The following ZNF215 variants were observed in gnomAD, a reference collection of about 807,000 sequenced individuals.
ZNF215 encodes BWSCR2-associated zinc finger protein 2.
In ZNF215, 24 loss-of-function variants were observed where a neutral mutation model predicts 27.2. The observed-to-expected ratio is 0.88, with a 90% CI of 0.64 to 1.24. The LOEUF (loss-of-function observed/expected upper bound fraction) is 1.24, where lower values mean the gene tolerates loss of function less well. ZNF215 is among the 50% of genes most tolerant of loss of function. The probability of loss-of-function intolerance (pLI) is 0.00; values close to 1 mark genes in which losing one functional copy is unlikely to be tolerated. For synonymous variants in ZNF215, 210 were observed against 204.0 expected (o/e 1.03, Z -0.25); for missense variants, 675 against 605.7 (o/e 1.11, Z -1.20).
chr11:6,952,446 A>G (rs1590066537), intron 6 of ZNF215, among the ~76,000 whole-genome samples: 1 of 152,254 alleles, frequency 6.6e-6, no homozygotes, highest in East Asian at 1.9e-4. Context: ...TATTTAGGAT[A>G]GTTAGCTCTT....
At chr11:6,933,899 A>C (rs1268030196) in intron 3 of ZNF215, among the ~76,000 whole-genome samples, 1 of 152,216 alleles carries the variant, frequency 6.6e-6, no homozygotes, top group Non-Finnish European at 1.5e-5. Flanking sequence ...GTAAAATCCA[A>C]ACTGGGAAAC....
chr11:6,963,218 G>A (rs1012842960), intron 5 of ZNF215, among the ~76,000 whole-genome samples: 4 of 151,920 alleles, frequency 2.6e-5, no homozygotes, highest in African/African-American at 9.7e-5. Flanking sequence ...TTATAGTCAA[G>A]CTGTTCCCCC....
chr11:6,938,325 A>G (rs2133193660), intron 3 of ZNF215, among the ~76,000 whole-genome samples: 1 of 152,182 alleles, frequency 6.6e-6, no homozygotes, highest in Non-Finnish European at 1.5e-5. Flanking sequence ...ACAAAAGGAA[A>G]ACGAATAGGG....
chr11:6,984,359 T>C lies in ZNF215; in HGVS notation c.*121T>C, dbSNP rs189648553. 6.5e-4 allele frequency: 119 copies of C among 181,866 alleles called. No individual in the cohort carries two copies. In the East Asian group the frequency reaches 9.0e-3, roughly 14 times the overall value. The allele number at this position is 181,866 out of a possible 1,614,324, so 11.3% of individuals were successfully genotyped here. On this transcript the variant is annotated 3_prime_UTR_variant, in exon 6 of 6. Coordinates refer to the ZNF215 transcript ENST00000529903. ...CCTGACCTCAAGTGATCCGCCCACC[T>C]CAGCCTCCTAAAGTGCTGGGATGAC...
intron 5 of ZNF215, among the ~76,000 whole-genome samples, chr11:6,978,728 G>C (rs1366750491): frequency 1.9e-4 from 28 of 148,926 alleles, no homozygotes. Flanking sequence ...AGACTAGCCT[G>C]GGCAACATAG....
intron 5 of ZNF215, among the ~76,000 whole-genome samples, chr11:6,981,884 G>A (rs549222124): frequency 1.3e-5 from 2 of 152,002 alleles, no homozygotes; most frequent in Non-Finnish European, 2.9e-5. Context: ...CCTATTGCTT[G>A]TTTTTCTCAG....
intron 5 of ZNF215, among the ~76,000 whole-genome samples, chr11:6,975,089 G>A (rs952535248): frequency 2.0e-4 from 30 of 152,112 alleles, no homozygotes; most frequent in Admixed American, 3.9e-4. Flanking sequence ...TTTATTGAGA[G>A]TTTTTAGCAT....
chr11:6,980,443 AAGT>A (rs2133352643), intron 5 of ZNF215, among the ~76,000 whole-genome samples: 1 of 152,166 alleles, frequency 6.6e-6, no homozygotes. Flanking sequence ...AAGTTTTAAT[AAGT>A]CAGTGCTCTA....
At chr11:6,985,586 A>T (rs548843924), downstream of ZNF215, among the ~76,000 whole-genome samples, 394 of 152,316 alleles carry the variant, frequency 2.6e-3, 3 homozygotes, top group African/African-American at 9.3e-3. Context: ...ATAGGAAAAG[A>T]AGTCAAGCTA....
intron 3 of ZNF215, among the ~76,000 whole-genome samples, chr11:6,939,158 G>C (rs1431911421): frequency 2.0e-5 from 3 of 152,176 alleles, no homozygotes; most frequent in African/African-American, 7.2e-5. Flanking sequence ...CAAGGAAGTA[G>C]ATTGTTTGCT....
intron 6 of ZNF215, among the ~76,000 whole-genome samples, chr11:6,946,377 CCTCACTCTTT>C (rs1849815494): frequency 2.0e-5 from 3 of 152,206 alleles, no homozygotes; most frequent in Admixed American, 2.0e-4. Flanking sequence ...CACATCCTCC[CCTCACTCTTT>C]GTACTCAAGC....
At position 6,955,707 on chromosome 11, in the gene ZNF215, G is replaced by T; in HGVS notation, c.730G>T (p.Gly244Ter). 2 of 1,557,900 alleles carry T rather than the reference G, an allele frequency of 1.3e-6. No individual in the cohort carries two copies. Among genetic ancestry groups the T allele is most frequent in the Non-Finnish European group, 1.7e-6 (2 of 1,158,268 alleles). ...KTIFDMKSIS[G>*]EESSHGVIMT... Reference sequence around the variant, plus strand: ...CTCTTTAGACATGAAGAGTATTTCTGGAGAAGAATCATCCCATGGAGTGAT... The same window carrying T: ...CTCTTTAGACATGAAGAGTATTTCTTGAGAAGAATCATCCCATGGAGTGAT... Residue 244 changes from glycine to a stop codon, truncating the protein, a stop_gained, in exon 7 of 7, where the codon GGA (glycine) becomes TGA (stop). Transcript: ENST00000278319. LOFTEE classifies it low-confidence loss of function (END_TRUNC).
chr11:6,989,150 CAAAAAA>C (rs71056776), downstream of ZNF215, among the ~76,000 whole-genome samples: 4,670 of 76,746 alleles, frequency 0.061, 98 homozygotes, highest in Non-Finnish European at 0.082. Flanking sequence ...AGATCCGTCT[CAAAAAA>C]AAAAAAAAAA....
chr11:6,982,707 A>C (rs1850981841), intron 5 of ZNF215, among the ~76,000 whole-genome samples: 1 of 152,012 alleles, frequency 6.6e-6, no homozygotes, highest in Non-Finnish European at 1.5e-5. Context: ...CTTTGAAACC[A>C]ACGAGAACAA....
At position 6,957,248 on chromosome 11, in the gene ZNF215, C is replaced by T. The variant is rs923944436; in HGVS notation, c.*717C>T. 7.4e-6 allele frequency: 7 copies of T among 948,182 alleles called. No homozygotes were observed. The highest frequency in any genetic ancestry group is 2.5e-6 in the Non-Finnish European group (2 of 796,160). The allele number at this position is 948,182 out of a possible 1,614,324, so 58.7% of individuals were successfully genotyped here. A position where few individuals can be genotyped will look rare whatever the true frequency, so the allele number is the denominator to read the frequency against. On this transcript the variant is annotated 3_prime_UTR_variant, in exon 7 of 7. Coordinates refer to ENST00000278319, the MANE Select transcript of ZNF215 (RefSeq NM_013250.4). ...GTTATGATGTTGATGAGAAAAATAT[C>T]GATTCCCAGCCAGGGACACTGTGTG...
At chr11:6,928,287 A>G (rs935255685) in intron 2 of ZNF215, among the ~76,000 whole-genome samples, 1 of 152,208 alleles carries the variant, frequency 6.6e-6, no homozygotes, top group African/African-American at 2.4e-5. Flanking sequence ...TATATCCACT[A>G]TACTATTACT....
At chr11:6,988,401 C>A, downstream of ZNF215, 1 of 283,386 alleles carries the variant, frequency 3.5e-6, no homozygotes, top group Non-Finnish European at 5.3e-6. Context: ...CTTTACTAGG[C>A]TTTAATGTAA....
intron 5 of ZNF215, among the ~76,000 whole-genome samples, chr11:6,976,076 T>A (rs192710392): frequency 4.6e-5 from 7 of 152,216 alleles, no homozygotes; most frequent in Admixed American, 3.3e-4. Context: ...TAGTTTTGAT[T>A]TGCATTTCTC....
chr11:6,971,407 T>C (rs35020133), intron 5 of ZNF215, among the ~76,000 whole-genome samples: 16,459 of 152,158 alleles, frequency 0.11, 910 homozygotes, highest in East Asian at 0.15. Flanking sequence ...TATTACAGTC[T>C]TTTTATTGCA....
Sources: gnomAD v4.1 joint callset for allele counts (sites outside exome capture counted in the v4.1 genomes callset) on GRCh38, gnomAD v4.1.1 for gene constraint, MANE v1.5 for transcripts, NCBI Gene and HGNC (gene_info 2026-07-23, HGNC 2026-07-21) for gene names.